SGCD: variants seen among roughly 807,000 people sequenced by gnomAD.
SGCD encodes the protein sarcoglycan delta, also known as delta-sarcoglycan.
In SGCD, 18 loss-of-function variants were observed where a neutral mutation model predicts 36.6. The observed-to-expected ratio is 0.49, with a 90% CI of 0.34 to 0.73. The LOEUF is 0.73. Among genes scored for constraint, SGCD ranks in the 30% least tolerant of loss-of-function variants. SGCD has a pLI of 0.01. For missense variants in SGCD, 387 were observed against 346.7 expected (o/e 1.12, Z -0.92); for synonymous variants, 133 against 130.6 (o/e 1.02, Z -0.12).
intron 3 of SGCD, among the ~76,000 whole-genome samples, chr5:156,371,939 C>T (rs1404475532): frequency 6.6e-6 from 1 of 152,180 alleles, no homozygotes. Flanking sequence ...ACTAACATGT[C>T]AGAGCTATTG....
chr5:156,056,201 C>G lies in SGCD; in HGVS notation c.-281-61677C>G, dbSNP rs565603310. Reference sequence around the variant, plus strand: ...ATCTTACTTCTAACCTCCAAGCTACCCTTATTTATTCCTGAGTGTAGGCTG... The same window carrying G: ...ATCTTACTTCTAACCTCCAAGCTACGCTTATTTATTCCTGAGTGTAGGCTG... On this transcript the variant is annotated intron_variant, in intron 1 of 9. Coordinates refer to the SGCD transcript ENST00000517913. Among the ~76,000 whole-genome samples, 119 of 145,908 alleles carry G rather than the reference C, an allele frequency of 8.2e-4. 16 individuals are homozygous for G. Among genetic ancestry groups the G allele is most frequent in the South Asian group, 5.6e-3 (26 of 4,614 alleles).
intron 3 of SGCD, among the ~76,000 whole-genome samples, chr5:156,224,279 T>C (rs2127647324): frequency 1.3e-5 from 2 of 152,140 alleles, no homozygotes; most frequent in East Asian, 3.9e-4. Context: ...TCTTAAGAAT[T>C]TGGCAGCCTA....
chr5:155,911,703 G>T (rs371031920), intron 1 of SGCD, among the ~76,000 whole-genome samples: 2 of 152,080 alleles, frequency 1.3e-5, no homozygotes, highest in African/African-American at 4.8e-5. Context: ...CCCACCAAGA[G>T]AACACCAAAT....
the SGCD span, among the ~76,000 whole-genome samples, chr5:155,865,209 T>C: frequency 6.6e-6 from 1 of 152,052 alleles, no homozygotes; most frequent in Non-Finnish European, 1.5e-5. Context: ...AATTAACCCA[T>C]AACCCATAAC....
chr5:156,504,632 G>T lies in SGCD; in HGVS notation c.193-3969G>T, dbSNP rs561830013. Among the ~76,000 whole-genome samples the T allele has an allele frequency of 2.0e-5, 3 of 151,992 alleles. No individual in the cohort carries two copies. The South Asian group carries it at 6.2e-4, about 32-fold the overall frequency. On this transcript the variant is annotated intron_variant, in intron 3 of 8. Transcript: ENST00000337851. Reference sequence around the variant, plus strand: ...GTTTTTATTTTTTCTCTTATTAACTGACATGGTGACGAACAACTCTAAAGC... The same window carrying T: ...GTTTTTATTTTTTCTCTTATTAACTTACATGGTGACGAACAACTCTAAAGC...
chr5:156,540,832 T>C (rs1561766013), intron 4 of SGCD, among the ~76,000 whole-genome samples: 1 of 152,152 alleles, frequency 6.6e-6, no homozygotes, highest in Non-Finnish European at 1.5e-5. Flanking sequence ...CCCACAAAGA[T>C]GTATTGGGCA....
chr5:155,809,486 T>C, the SGCD span, among the ~76,000 whole-genome samples: 1 of 152,232 alleles, frequency 6.6e-6, no homozygotes, highest in Non-Finnish European at 1.5e-5. Flanking sequence ...CTTATATCAC[T>C]GATACTTGGG....
At chr5:156,758,560 C>T (rs1051122558) in intron 8 of SGCD, among the ~76,000 whole-genome samples, 16 of 152,162 alleles carry the variant, frequency 1.1e-4, no homozygotes, top group Non-Finnish European at 2.1e-4. Flanking sequence ...TCAGTTATCA[C>T]AACTGCCTCT....
intron 7 of SGCD, among the ~76,000 whole-genome samples, chr5:156,689,668 T>G (rs925012387): frequency 6.6e-6 from 1 of 152,130 alleles, no homozygotes; most frequent in Non-Finnish European, 1.5e-5. Flanking sequence ...AATTTGGGAT[T>G]TCGTGTTTGT....
intron 3 of SGCD, among the ~76,000 whole-genome samples, chr5:156,382,678 G>A (rs745394747): frequency 6.6e-6 from 1 of 152,066 alleles, no homozygotes; most frequent in Non-Finnish European, 1.5e-5. Flanking sequence ...TCTAGTAGAG[G>A]ATATATCGGT....
intron 7 of SGCD, among the ~76,000 whole-genome samples, chr5:156,723,324 A>G (rs1223912873): frequency 6.6e-5 from 10 of 152,132 alleles, no homozygotes; most frequent in Middle Eastern, 3.2e-3. Context: ...GCAGGCTCCA[A>G]TCTTTGAGCT....
intron 4 of SGCD, among the ~76,000 whole-genome samples, chr5:156,571,289 G>A (rs137910165): frequency 2.0e-5 from 3 of 152,090 alleles, no homozygotes; most frequent in Non-Finnish European, 2.9e-5. Flanking sequence ...CAAGTGATCC[G>A]CCTGCCTGGG....
intron 3 of SGCD, among the ~76,000 whole-genome samples, chr5:156,187,463 A>G (rs1046318260): frequency 7.0e-6 from 1 of 142,638 alleles, no homozygotes; most frequent in East Asian, 2.4e-4. Flanking sequence ...CTGAATAGAC[A>G]TATAGTCTCT....
chr5:155,766,006 G>A, the SGCD span, among the ~76,000 whole-genome samples: 1 of 152,044 alleles, frequency 6.6e-6, no homozygotes, highest in Non-Finnish European at 1.5e-5. Flanking sequence ...TGCTGGCCTT[G>A]GGTCATTTTA....
At chr5:156,696,095 T>C (rs1442575878) in intron 7 of SGCD, among the ~76,000 whole-genome samples, 1 of 152,210 alleles carries the variant, frequency 6.6e-6, no homozygotes, top group Non-Finnish European at 1.5e-5. Context: ...ACCTTGAGAC[T>C]CTGGAACTGT....
At chr5:155,879,492 T>C (rs746412100) in intron 1 of SGCD, among the ~76,000 whole-genome samples, 1 of 152,088 alleles carries the variant, frequency 6.6e-6, no homozygotes, top group Non-Finnish European at 1.5e-5. Context: ...CCCTCAAAGA[T>C]AGGTGGTTGG....
chr5:156,406,813 TATATATAC>T (rs1159761127), intron 3 of SGCD, among the ~76,000 whole-genome samples: 4 of 107,976 alleles, frequency 3.7e-5, no homozygotes, highest in Admixed American at 8.7e-5. Context: ...TATATATATA[TATATATAC>T]ACACACACAC....
intron 3 of SGCD, among the ~76,000 whole-genome samples, chr5:156,227,120 T>G (rs1390764833): frequency 1.3e-5 from 2 of 152,180 alleles, no homozygotes; most frequent in African/African-American, 4.8e-5. Context: ...CAGCTATATA[T>G]CTTTGTTTTA....
At chr5:156,413,168 A>T (rs1487969057) in intron 3 of SGCD, among the ~76,000 whole-genome samples, 1 of 152,192 alleles carries the variant, frequency 6.6e-6, no homozygotes, top group African/African-American at 2.4e-5. Flanking sequence ...ATGATGAAAT[A>T]AAATAATTGC....
Sources: allele counts gnomAD v4.1 joint callset (sites outside exome capture counted in the v4.1 genomes callset), GRCh38; gene constraint gnomAD v4.1.1; transcripts MANE v1.5; gene names NCBI Gene and HGNC (gene_info 2026-07-23, HGNC 2026-07-21).